CACNA2D1: variants seen among roughly 807,000 people sequenced by gnomAD.
CACNA2D1 encodes calcium voltage-gated channel auxiliary subunit alpha2delta 1.
Under a neutral mutation model 171.5 loss-of-function variants are expected in CACNA2D1, and 53 were observed. That is an observed-to-expected ratio of 0.31 (90% CI 0.25 to 0.39). CACNA2D1 has a LOEUF of 0.39. CACNA2D1 is among the 10% of genes least tolerant of loss of function. CACNA2D1 has a pLI of 1.00. For missense variants in CACNA2D1, 903 were observed against 1,299.8 expected, an observed-to-expected ratio of 0.69 and a Z score of 4.69; for synonymous variants, 442 against 443.1, an observed-to-expected ratio of 1.00 and a Z score of 0.03.
At chr7:82,217,153 T>A (rs1458344084) in intron 3 of CACNA2D1, among the ~76,000 whole-genome samples, 2 of 151,964 alleles carry the variant, frequency 1.3e-5, no homozygotes, top group East Asian at 3.9e-4. Flanking sequence ...GAGTAAATTT[T>A]TAATTTGTTT....
chr7:81,991,452 T>C (rs1251675848), intron 20 of CACNA2D1, among the ~76,000 whole-genome samples: 2 of 152,200 alleles, frequency 1.3e-5, no homozygotes, highest in South Asian at 4.1e-4. Context: ...TGAAAAATCT[T>C]TATAGTTTAT....
At chr7:82,364,586 A>G (rs1000757177) in intron 1 of CACNA2D1, among the ~76,000 whole-genome samples, 3 of 152,222 alleles carry the variant, frequency 2.0e-5, no homozygotes, top group African/African-American at 7.2e-5. Context: ...TAAGAAGTGC[A>G]TAATATGCTT....
chr7:82,032,728 C>T (rs751027606), intron 12 of CACNA2D1, 69 bp downstream of exon 12: 14 of 814,848 alleles, frequency 1.7e-5, no homozygotes, highest in Middle Eastern at 3.6e-4. Context: ...CTCACTACCA[C>T]TACCCACTAT....
chr7:82,067,816 G>A (rs1340084789), intron 7 of CACNA2D1, among the ~76,000 whole-genome samples: 2 of 152,030 alleles, frequency 1.3e-5, no homozygotes, highest in African/African-American at 4.8e-5. Context: ...TATGATATCT[G>A]ACTCTCCAAG....
Position 82,385,704 on chromosome 7 carries a change from G to A in CACNA2D1, c.96-36055C>T, listed in dbSNP as rs189433287. Among the ~76,000 whole-genome samples the A allele has an allele frequency of 1.9e-3, 276 of 145,578 alleles. 1 individual carries two copies. The highest frequency in any genetic ancestry group is 7.4e-3 in the African/African-American group (270 of 36,606). On this transcript the variant is annotated intron_variant, in intron 1 of 38. Coordinates refer to ENST00000356860, the MANE Select transcript of CACNA2D1 (RefSeq NM_000722.4). ...TTTTGAGACAGAATCTCTCTCTGTC[G>A]CCCAGGCTGGAGTATAGTGGTGCAA...
intron 1 of CACNA2D1, among the ~76,000 whole-genome samples, chr7:82,393,119 G>GAGGGAGGGAGGCAGGCAGGA (rs1373147820): frequency 8.1e-6 from 1 of 123,812 alleles, no homozygotes; most frequent in Non-Finnish European, 1.7e-5. Flanking sequence ...GGCAGGGAGG[G>GAGGGAGGGAGGCAGGCAGGA]AGGGAGGGAG....
intron 7 of CACNA2D1, among the ~76,000 whole-genome samples, chr7:82,079,936 A>G (rs1003254375): frequency 6.6e-6 from 1 of 152,004 alleles, no homozygotes; most frequent in Non-Finnish European, 1.5e-5. Flanking sequence ...GCTAGATTTA[A>G]CCATTCTACA....
intron 20 of CACNA2D1, 106 bp downstream of exon 20, chr7:81,994,760 CCT>C: frequency 1.5e-6 from 1 of 648,766 alleles, no homozygotes; most frequent in Non-Finnish European, 2.8e-6. Flanking sequence ...TAGAGATCTC[CCT>C]GTTTTATAAG....
intron 3 of CACNA2D1, among the ~76,000 whole-genome samples, chr7:82,199,728 T>C (rs922868491): frequency 6.6e-6 from 1 of 152,030 alleles, no homozygotes; most frequent in African/African-American, 2.4e-5. Context: ...TATAACCTCC[T>C]CATTCCAGCA....
At chr7:82,261,108 G>A (rs565407242) in intron 3 of CACNA2D1, among the ~76,000 whole-genome samples, 5 of 151,996 alleles carry the variant, frequency 3.3e-5, no homozygotes, top group African/African-American at 4.8e-5. Context: ...GTGCCCACCA[G>A]CACGCCCGGC....
At chr7:82,329,738 G>A (rs138075487) in intron 3 of CACNA2D1, among the ~76,000 whole-genome samples, 217 of 152,134 alleles carry the variant, frequency 1.4e-3, no homozygotes, top group African/African-American at 5.0e-3. Flanking sequence ...TCATTGCAGG[G>A]AGCCAGTTCC....
Position 82,443,594 on chromosome 7 carries a change from C to T in CACNA2D1, c.-135G>A, listed in dbSNP as rs570264349. 1 of 1,414,968 alleles carries T rather than the reference C, an allele frequency of 7.1e-7. No homozygotes were observed. Among genetic ancestry groups the T allele is most frequent in the East Asian group, 3.1e-5 (1 of 32,364 alleles). The allele number at this position is 1,414,968 out of a possible 1,614,324, so 87.7% of individuals were successfully genotyped here. ...TGGAGGGCTGGCTGCGCCCGGGGCC[C>T]GAGGCGCGGAGCCGCGCGGGGGACG... On this transcript the variant is annotated 5_prime_UTR_variant, in exon 1 of 39. Coordinates refer to ENST00000356860, the MANE Select transcript of CACNA2D1 (RefSeq NM_000722.4).
In CACNA2D1 at chr7:81,961,936, C is replaced by T; in HGVS notation, c.2924G>A (p.Ser975Asn). Residue 975 changes from serine to asparagine, a missense_variant, in exon 36 of 39, where the codon AGT becomes AAT. Ser to Asn is a conservative substitution (Grantham distance 46). Around this residue, in one of 5 missense-constraint regions of CACNA2D1, gnomAD observed 623 missense variants for 925.5 expected, o/e 0.67. Transcript: ENST00000356860. Reference protein sequence around the residue: ...EQTQYFFDNDSKSFSGVLDCG... With the variant: ...EQTQYFFDNDNKSFSGVLDCG... ...GTCTAATACACCACTGAATGATTTA[C>T]TGTCGTTATCGAAGAAATACTGGGT... The T allele has an allele frequency of 2.5e-6, 4 of 1,611,104 alleles. No individual in the cohort carries two copies. Among genetic ancestry groups the T allele is most frequent in the East Asian group, 2.2e-5 (1 of 44,814 alleles).
intron 4 of CACNA2D1, among the ~76,000 whole-genome samples, chr7:82,141,067 C>A (rs561624709): frequency 9.7e-4 from 146 of 150,600 alleles, no homozygotes; most frequent in African/African-American, 3.5e-3. Flanking sequence ...TGAGAAAAAT[C>A]ATATTTTGGA....
chr7:82,005,340 A>C lies in CACNA2D1; in HGVS notation c.1590+83T>G, dbSNP rs547897194. 1.2e-5 allele frequency: 11 copies of C among 886,706 alleles called. No individual in the cohort carries two copies. The South Asian group carries it at 1.3e-4, about 10-fold the overall frequency. 54.9% of individuals were successfully genotyped at this position (886,706 alleles called of 1,614,324 possible). On this transcript the variant is annotated intron_variant, in intron 18 of 38. Coordinates refer to ENST00000356860, the MANE Select transcript of CACNA2D1 (RefSeq NM_000722.4). ...CTTTGATATTTAGTGTTATACGGTA[A>C]ATTTTAAAACAACAATCCTATTAAG...
chr7:82,168,217 C>T (rs1795664683), intron 4 of CACNA2D1, among the ~76,000 whole-genome samples: 1 of 152,014 alleles, frequency 6.6e-6, no homozygotes, highest in African/African-American at 2.4e-5. Flanking sequence ...GATCTTGGCT[C>T]ACTGCACCCT....
chr7:82,111,329 T>C (rs2129048065), intron 6 of CACNA2D1, among the ~76,000 whole-genome samples: 1 of 144,662 alleles, frequency 6.9e-6, no homozygotes, highest in East Asian at 2.0e-4. Flanking sequence ...TATATACGCA[T>C]ACACGTATAT....
intron 4 of CACNA2D1, among the ~76,000 whole-genome samples, chr7:82,149,734 C>A (rs1793569738): frequency 6.6e-6 from 1 of 150,896 alleles, no homozygotes; most frequent in African/African-American, 2.4e-5. Context: ...CGAGACCACC[C>A]TGGCTAATAC....
chr7:82,343,721 TA>T (rs889551767), intron 2 of CACNA2D1, among the ~76,000 whole-genome samples: 2 of 152,182 alleles, frequency 1.3e-5, no homozygotes, highest in African/African-American at 4.8e-5. Context: ...AAGCTATATA[TA>T]AATTTGAATA....
Sources: allele counts gnomAD v4.1 joint callset (sites outside exome capture counted in the v4.1 genomes callset), GRCh38; gene constraint gnomAD v4.1.1; regional missense constraint gnomAD v4.1.1; transcripts MANE v1.5; gene names NCBI Gene and HGNC (gene_info 2026-07-23, HGNC 2026-07-21).